The following KLF8 variants were observed in gnomAD, a reference collection of about 807,000 sequenced individuals.
The protein encoded by KLF8 is KLF transcription factor 8.
In KLF8, 10 loss-of-function variants were observed where a neutral mutation model predicts 18.2. The ratio of observed to expected loss-of-function variants is 0.55; its 90% CI spans 0.34 to 0.93. KLF8 has a LOEUF of 0.93. KLF8 is among the 40% of genes least tolerant of loss of function. KLF8 has a pLI of 0.02. For missense variants in KLF8, 264 were observed against 277.9 expected (o/e 0.95, Z 0.36); for synonymous variants, 109 against 97.3 (o/e 1.12, Z -0.71).
the KLF8 span, among the ~76,000 whole-genome samples, chrX:56,104,875 C>T: frequency 4.5e-5 from 5 of 111,918 alleles, no homozygotes; most frequent in Admixed American, 4.7e-4. Flanking sequence ...TCCCTCTACA[C>T]ACTGCTTTAA....
At chrX:55,975,799 G>A in the KLF8 span, among the ~76,000 whole-genome samples, 3 of 111,440 alleles carry the variant, frequency 2.7e-5, no homozygotes, top group African/African-American at 6.5e-5. Context: ...AAAAATTGAG[G>A]TATAATTAAC....
chrX:56,180,532 C>T, the KLF8 span, among the ~76,000 whole-genome samples: 833 of 111,051 alleles, frequency 7.5e-3, 7 homozygotes, highest in Admixed American at 0.012. Flanking sequence ...TCTTGCTTCT[C>T]TAGTTCTTTT....
At chrX:55,982,959 T>A in the KLF8 span, among the ~76,000 whole-genome samples, 1 of 112,015 alleles carries the variant, frequency 8.9e-6, no homozygotes. Context: ...CCTATACTTA[T>A]CACACAAAGT....
At chrX:56,066,052 G>A in the KLF8 span, among the ~76,000 whole-genome samples, 2 of 111,777 alleles carry the variant, frequency 1.8e-5, no homozygotes, top group Non-Finnish European at 3.8e-5. Flanking sequence ...CCAAGTGGGT[G>A]AGTGAGTCTT....
At chrX:56,004,168 A>G in the KLF8 span, among the ~76,000 whole-genome samples, 4 of 112,589 alleles carry the variant, frequency 3.6e-5, no homozygotes, top group Non-Finnish European at 7.5e-5. Context: ...GTATAGGAAG[A>G]TTTGTAGAAA....
chrX:55,912,344 G>A, the KLF8 span, among the ~76,000 whole-genome samples: 1 of 111,239 alleles, frequency 9.0e-6, no homozygotes, highest in Non-Finnish European at 1.9e-5. Context: ...AGTAACAGAG[G>A]CTCACTGTGC....
chrX:56,191,953 G>A, the KLF8 span, among the ~76,000 whole-genome samples: 5 of 111,199 alleles, frequency 4.5e-5, no homozygotes, highest in South Asian at 7.5e-4. Flanking sequence ...GTTATTTCAC[G>A]TAGTATGGGA....
At chrX:56,233,435 A>C in intron 1 of KLF8, 94 bp downstream of exon 1, 1 of 696,728 alleles carries the variant, frequency 1.4e-6, no homozygotes, top group Non-Finnish European at 2.3e-6. Context: ...CACACACCCC[A>C]CTTGGGGTTT....
chrX:56,105,872 T>C, the KLF8 span, among the ~76,000 whole-genome samples: 2 of 111,852 alleles, frequency 1.8e-5, no homozygotes, highest in African/African-American at 6.5e-5. Flanking sequence ...TTCCTTTCCA[T>C]GTTTAGTGCT....
At chrX:56,007,323 G>A in the KLF8 span, among the ~76,000 whole-genome samples, 5 of 111,004 alleles carry the variant, frequency 4.5e-5, no homozygotes, top group Admixed American at 9.6e-5. Context: ...TCAAAATGGC[G>A]CTGTGAAGCA....
At chrX:56,048,019 C>G in the KLF8 span, among the ~76,000 whole-genome samples, 3 of 111,857 alleles carry the variant, frequency 2.7e-5, no homozygotes, top group African/African-American at 9.7e-5. Context: ...GATGGCCAGT[C>G]ATGATAAGCA....
chrX:56,134,139 ATTC>A, the KLF8 span, among the ~76,000 whole-genome samples: 1 of 111,545 alleles, frequency 9.0e-6, no homozygotes, highest in Non-Finnish European at 1.9e-5. Context: ...TGCCACCACT[ATTC>A]TTCACAGAAC....
At chrX:56,265,096 G>A (rs1185785714) in intron 2 of KLF8, 84 bp from the exon 3 acceptor site, 2 of 1,048,995 alleles carry the variant, frequency 1.9e-6, no homozygotes, top group Non-Finnish European at 2.5e-6. Flanking sequence ...GAAATGAATA[G>A]AGATTTCTTT....
the KLF8 span, among the ~76,000 whole-genome samples, chrX:56,206,201 G>A: frequency 6.3e-4 from 70 of 111,009 alleles, no homozygotes; most frequent in Non-Finnish European, 2.6e-4. Flanking sequence ...TTTGGGTGGG[G>A]ACACAGCCAA....
At chrX:56,216,300 A>T in the KLF8 span, among the ~76,000 whole-genome samples, 16 of 110,566 alleles carry the variant, frequency 1.4e-4, no homozygotes, top group Non-Finnish European at 2.8e-4. Flanking sequence ...TTCAAAATGC[A>T]TGTCTTATCA....
At chrX:56,076,395 A>G in the KLF8 span, among the ~76,000 whole-genome samples, 1 of 100,770 alleles carries the variant, frequency 9.9e-6, no homozygotes, top group Admixed American at 1.2e-4. Context: ...GCGGTGTTTG[A>G]TTTTTTGTTC....
intron 1 of KLF8, chrX:56,243,182 G>A (rs1327333864): frequency 5.9e-6 from 3 of 504,887 alleles, no homozygotes; most frequent in African/African-American, 4.7e-5. Context: ...CTTGGTGATA[G>A]CATAGTAGTC....
At chrX:56,048,792 C>T in the KLF8 span, among the ~76,000 whole-genome samples, 1 of 111,599 alleles carries the variant, frequency 9.0e-6, no homozygotes, top group African/African-American at 3.3e-5. Flanking sequence ...TAGCTATTTC[C>T]AATTCTGTGA....
chrX:55,959,616 C>T, the KLF8 span, among the ~76,000 whole-genome samples: 4 of 111,860 alleles, frequency 3.6e-5, no homozygotes, highest in Non-Finnish European at 7.5e-5. Flanking sequence ...ATTGGAAGCA[C>T]TAATAATAAA....
Sources: gnomAD v4.1 joint callset for allele counts (sites outside exome capture counted in the v4.1 genomes callset) on GRCh38, gnomAD v4.1.1 for gene constraint, MANE v1.5 for transcripts, NCBI Gene and HGNC (gene_info 2026-07-23, HGNC 2026-07-21) for gene names.